The following LUZP2 variants were observed in gnomAD, a reference collection of about 807,000 sequenced individuals.
LUZP2 encodes leucine zipper protein 2.
LUZP2 carries 52 observed loss-of-function variants against 51.6 expected under a neutral mutation model. The observed-to-expected ratio is 1.01, with a 90% CI of 0.81 to 1.27. LUZP2 has a LOEUF of 1.27. Ranked by LOEUF, LUZP2 falls within the 50% of genes most tolerant of loss-of-function variation. The pLI is 0.00. For missense variants in LUZP2, 436 were observed against 395.4 expected, an observed-to-expected ratio of 1.10 and a Z score of -0.87; for synonymous variants, 154 against 137.3, an observed-to-expected ratio of 1.12 and a Z score of -0.85.
At chr11:24,905,769 C>T (rs1350065800) in intron 5 of LUZP2, among the ~76,000 whole-genome samples, 1 of 152,000 alleles carries the variant, frequency 6.6e-6, no homozygotes, top group Non-Finnish European at 1.5e-5. Flanking sequence ...CTAGAAATTA[C>T]CTTTTTAAAT....
At chr11:24,778,545 G>A (rs774385893) in intron 5 of LUZP2, among the ~76,000 whole-genome samples, 1 of 152,082 alleles carries the variant, frequency 6.6e-6, no homozygotes, top group Non-Finnish European at 1.5e-5. Flanking sequence ...TTTTACATAA[G>A]GGGCTGAAAG....
intron 5 of LUZP2, among the ~76,000 whole-genome samples, chr11:24,849,039 C>G (rs1047201339): frequency 5.3e-5 from 8 of 151,916 alleles, no homozygotes; most frequent in African/African-American, 1.7e-4. Context: ...AAAATGATGC[C>G]AATTCTCACC....
chr11:24,838,960 G>A (rs1310420405), intron 5 of LUZP2, among the ~76,000 whole-genome samples: 3 of 151,480 alleles, frequency 2.0e-5, no homozygotes, highest in South Asian at 2.1e-4. Context: ...CCTTATCACC[G>A]TTGCTGGCAC....
intron 1 of LUZP2, among the ~76,000 whole-genome samples, chr11:24,536,123 A>C (rs1444441120): frequency 6.6e-6 from 1 of 151,730 alleles, no homozygotes; most frequent in African/African-American, 2.4e-5. Context: ...CCATTCTGTA[A>C]ACAGATATGC....
At chr11:24,765,622 C>CTTTTTTTTTT (rs1206343621) in intron 5 of LUZP2, among the ~76,000 whole-genome samples, 1 of 127,766 alleles carries the variant, frequency 7.8e-6, no homozygotes. Flanking sequence ...CCTTTTTTTT[C>CTTTTTTTTTT]TTTTTTCTTT....
At chr11:24,721,174 T>C (rs1479643322) in intron 1 of LUZP2, among the ~76,000 whole-genome samples, 22 of 152,222 alleles carry the variant, frequency 1.4e-4, no homozygotes, top group Admixed American at 1.4e-3. Flanking sequence ...GGGATTTCTA[T>C]TCTGCTTATA....
intron 5 of LUZP2, among the ~76,000 whole-genome samples, chr11:24,776,173 T>C (rs1236945798): frequency 6.6e-6 from 1 of 152,218 alleles, no homozygotes; most frequent in Non-Finnish European, 1.5e-5. Flanking sequence ...TTATCACTTT[T>C]AGACAGTCTC....
At chr11:24,896,644 G>A (rs1314709741) in intron 5 of LUZP2, among the ~76,000 whole-genome samples, 1 of 152,196 alleles carries the variant, frequency 6.6e-6, no homozygotes, top group Non-Finnish European at 1.5e-5. Flanking sequence ...GCTCCCCGGT[G>A]CCTGGTCCCA....
At chr11:24,958,099 T>A (rs1018918507) in intron 7 of LUZP2, among the ~76,000 whole-genome samples, 4 of 152,242 alleles carry the variant, frequency 2.6e-5, no homozygotes, top group Admixed American at 6.5e-5. Flanking sequence ...TTTTTATGGC[T>A]GCATAGTATT....
intron 1 of LUZP2, among the ~76,000 whole-genome samples, chr11:24,687,383 A>G (rs183845465): frequency 6.6e-6 from 1 of 152,162 alleles, no homozygotes; most frequent in Non-Finnish European, 1.5e-5. Flanking sequence ...ATGAGGTAGA[A>G]TTACACAGAA....
Position 24,910,516 on chromosome 11 carries a change from G to A in LUZP2, c.460-3960G>A, listed in dbSNP as rs1367879787. Among the ~76,000 whole-genome samples, 3 of 152,306 alleles carry A rather than the reference G, an allele frequency of 2.0e-5. 1 individual carries two copies. The East Asian group carries it at 5.8e-4, about 29-fold the overall frequency. On this transcript the variant is annotated intron_variant, in intron 6 of 11. Coordinates refer to ENST00000336930, the MANE Select transcript of LUZP2 (RefSeq NM_001009909.4). ...TCCCGTCTGCTTCAGCTCCAGCTGT[G>A]GCTGAAAGGGGCCACGGTACATCTC...
chr11:24,734,469 A>G (rs1858851691), intron 3 of LUZP2, among the ~76,000 whole-genome samples: 1 of 151,878 alleles, frequency 6.6e-6, no homozygotes, highest in African/African-American at 2.4e-5. Flanking sequence ...TCTTTCAAAG[A>G]GAGGGTAAAA....
intron 1 of LUZP2, among the ~76,000 whole-genome samples, chr11:24,633,981 A>G (rs1268372891): frequency 8.1e-6 from 1 of 123,272 alleles, no homozygotes; most frequent in Non-Finnish European, 1.8e-5. Context: ...TAGTCTGTCT[A>G]TTAAAGGACA....
intron 9 of LUZP2, among the ~76,000 whole-genome samples, chr11:25,043,574 A>G (rs1225584670): frequency 1.3e-5 from 2 of 151,986 alleles, no homozygotes; most frequent in African/African-American, 2.4e-5. Context: ...ATATGTATCC[A>G]GGATATATGA....
chr11:24,713,693 T>G (rs923655313), intron 1 of LUZP2, among the ~76,000 whole-genome samples: 2 of 143,486 alleles, frequency 1.4e-5, no homozygotes, highest in African/African-American at 5.2e-5. Context: ...GTTTTTTTTT[T>G]TTTTTTTTTT....
At position 24,653,652 on chromosome 11, in the gene LUZP2, T is replaced by C. The variant is rs192335648; in HGVS notation, c.63-75517T>C. Among the ~76,000 whole-genome samples the C allele has an allele frequency of 3.3e-5, 5 of 152,308 alleles. No individual in the cohort carries two copies. In the East Asian group the frequency reaches 7.7e-4, roughly 24 times the overall value. ...AATAGGGATGAATTCCTCTAGCTGATACCTGGGGCATTCCTACTGCACCTA... is the reference window on the plus strand; with the variant it reads ...AATAGGGATGAATTCCTCTAGCTGACACCTGGGGCATTCCTACTGCACCTA... On this transcript the variant is annotated intron_variant, in intron 1 of 11. Coordinates refer to ENST00000336930, the MANE Select transcript of LUZP2 (RefSeq NM_001009909.4).
intron 4 of LUZP2, among the ~76,000 whole-genome samples, chr11:24,741,626 C>T (rs1859145629): frequency 6.6e-6 from 1 of 151,284 alleles, no homozygotes; most frequent in Non-Finnish European, 1.5e-5. Context: ...TTTGCGTCCT[C>T]ATAGCTTAGC....
Position 24,916,619 on chromosome 11 carries a change from A to G in LUZP2, c.522+2081A>G, listed in dbSNP as rs1368001103. On this transcript the variant is annotated intron_variant, in intron 7 of 11. Transcript: ENST00000336930. Reference sequence around the variant, plus strand: ...TTGTCCTTGAGATAGTTTGCTGAGAATGATAGTTTCCAGCTTCATCCATGT... The same window carrying G: ...TTGTCCTTGAGATAGTTTGCTGAGAGTGATAGTTTCCAGCTTCATCCATGT... 3.9e-5 allele frequency among the ~76,000 whole-genome samples: 6 copies of G among 152,060 alleles called. No individual in the cohort carries two copies. The East Asian group carries it at 1.2e-3, about 29-fold the overall frequency.
intron 1 of LUZP2, among the ~76,000 whole-genome samples, chr11:24,591,999 T>C (rs980469286): frequency 6.6e-6 from 1 of 152,196 alleles, no homozygotes; most frequent in African/African-American, 2.4e-5. Context: ...ACCTGTTATA[T>C]TTTGTGCAGA....
Sources: gnomAD v4.1 joint callset for allele counts (sites outside exome capture counted in the v4.1 genomes callset) on GRCh38, gnomAD v4.1.1 for gene constraint, MANE v1.5 for transcripts, NCBI Gene and HGNC (gene_info 2026-07-23, HGNC 2026-07-21) for gene names.